CPS1: variants seen among roughly 807,000 people sequenced by gnomAD.
The protein encoded by CPS1 is carbamoyl-phosphate synthase [ammonia], mitochondrial.
Under a neutral mutation model 174.6 loss-of-function variants are expected in CPS1, and 109 were observed. The observed-to-expected ratio is 0.62, with a 90% confidence interval of 0.53 to 0.73. The LOEUF is 0.73. Among genes scored for constraint, CPS1 ranks in the 30% least tolerant of loss-of-function variants. CPS1 has a pLI of 0.00. For synonymous variants in CPS1, 637 were observed against 632.0 expected, an observed-to-expected ratio of 1.01 and a Z score of -0.12; for missense variants, 1,689 against 1,821.9, an observed-to-expected ratio of 0.93 and a Z score of 1.33.
chr2:210,652,612 G>A (rs1369641619), intron 28 of CPS1, among the ~76,000 whole-genome samples: 1 of 152,178 alleles, frequency 6.6e-6, no homozygotes. Flanking sequence ...AGGGAACACT[G>A]AGGAAGGAGA....
chr2:210,521,109 G>T (rs765822388), intron 1 of CPS1, among the ~76,000 whole-genome samples: 1 of 152,010 alleles, frequency 6.6e-6, no homozygotes, highest in Non-Finnish European at 1.5e-5. Flanking sequence ...ACCAACATTT[G>T]CCAAGGCTAG....
chr2:210,507,157 T>C (rs1187379195), intron 1 of CPS1, among the ~76,000 whole-genome samples: 1 of 152,204 alleles, frequency 6.6e-6, no homozygotes, highest in African/African-American at 2.4e-5. Context: ...AAGGGAAGCC[T>C]ATCAGACTAA....
intron 9 of CPS1, 94 bp from the exon 10 acceptor site, chr2:210,591,737 T>C: frequency 1.4e-6 from 2 of 1,383,016 alleles, no homozygotes; most frequent in Non-Finnish European, 2.0e-6. Flanking sequence ...TGAATTTTAA[T>C]AGGCTTTACT....
Position 210,499,252 on chromosome 2 carries a change from TG to T in CPS1, c.3+21488del, listed in dbSNP as rs1210730972. 8.6e-5 allele frequency among the ~76,000 whole-genome samples: 13 copies of T among 151,586 alleles called. No individual in the cohort carries two copies. In the East Asian group the frequency reaches 2.6e-3, roughly 30 times the overall value. ...CCTGGATTTCTGCCTGGGAGTGGAG[TG>T]GAGAGGGACCCACTGCACCGTGATC... is the stretch of plus-strand genomic sequence containing the variant. On this transcript the variant is annotated intron_variant, in intron 1 of 38. Transcript: ENST00000430249.
intron 1 of CPS1, among the ~76,000 whole-genome samples, chr2:210,560,317 A>T (rs1258698686): frequency 3.3e-5 from 5 of 152,116 alleles, no homozygotes; most frequent in Non-Finnish European, 7.4e-5. Context: ...ATAAGAGTAT[A>T]GTCTCTGATT....
chr2:210,535,659 ATGC>A (rs2106005812), intron 1 of CPS1, among the ~76,000 whole-genome samples: 1 of 152,308 alleles, frequency 6.6e-6, no homozygotes, highest in East Asian at 1.9e-4. Flanking sequence ...GAAATAAGGA[ATGC>A]TGGTGTTTGT....
At chr2:210,667,619 G>GT (rs1311138860) in intron 33 of CPS1, among the ~76,000 whole-genome samples, 1 of 152,088 alleles carries the variant, frequency 6.6e-6, no homozygotes, top group Non-Finnish European at 1.5e-5. Context: ...TGAAAATGAT[G>GT]TTTTTAAAAA....
chr2:210,534,249 C>T (rs944368298), intron 1 of CPS1, among the ~76,000 whole-genome samples: 3 of 152,202 alleles, frequency 2.0e-5, no homozygotes, highest in Admixed American at 1.3e-4. Context: ...CCAGCCAGCC[C>T]TGCAGTGATT....
chr2:210,635,951 A>AT (rs1399397788), intron 21 of CPS1, among the ~76,000 whole-genome samples: 1 of 152,148 alleles, frequency 6.6e-6, no homozygotes, highest in African/African-American at 2.4e-5. Context: ...CACCAGCTTG[A>AT]TTTTTTCTTC....
chr2:210,552,254 C>T (rs1324084534), upstream of CPS1, among the ~76,000 whole-genome samples: 2 of 151,834 alleles, frequency 1.3e-5, no homozygotes, highest in Non-Finnish European at 2.9e-5. Flanking sequence ...TGTATCTCTT[C>T]AAAAATAGAC....
intron 1 of CPS1, among the ~76,000 whole-genome samples, chr2:210,499,149 C>T (rs1414466702): frequency 1.3e-5 from 2 of 152,032 alleles, no homozygotes; most frequent in African/African-American, 4.8e-5. Flanking sequence ...CAGAGAGGGC[C>T]CTGCTGTACC....
At chr2:210,536,245 A>G (rs1291921187) in intron 1 of CPS1, among the ~76,000 whole-genome samples, 1 of 151,890 alleles carries the variant, frequency 6.6e-6, no homozygotes, top group Non-Finnish European at 1.5e-5. Flanking sequence ...TCAGTTCTCT[A>G]GTTACTAATA....
intron 1 of CPS1, among the ~76,000 whole-genome samples, chr2:210,510,865 A>G (rs1379663110): frequency 6.6e-6 from 1 of 152,242 alleles, no homozygotes; most frequent in African/African-American, 2.4e-5. Context: ...GGCGATCATT[A>G]AGAAGTCAGG....
intron 1 of CPS1, among the ~76,000 whole-genome samples, chr2:210,506,726 G>A (rs982168168): frequency 2.6e-5 from 4 of 152,314 alleles, no homozygotes; most frequent in South Asian, 2.1e-4. Context: ...ACTACGTGAC[G>A]AATGCACAAG....
intron 1 of CPS1, among the ~76,000 whole-genome samples, chr2:210,510,626 A>G (rs577536826): frequency 8.5e-5 from 13 of 152,244 alleles, no homozygotes; most frequent in South Asian, 2.1e-4. Context: ...AATTTTTGCA[A>G]TCTGCTCATC....
At chr2:210,521,208 A>T (rs914334617) in intron 1 of CPS1, among the ~76,000 whole-genome samples, 2 of 152,028 alleles carry the variant, frequency 1.3e-5, no homozygotes, top group Non-Finnish European at 2.9e-5. Context: ...ATTTTTTGAA[A>T]GATTTCCTTG....
At chr2:210,598,348 A>G (rs933159182) in intron 13 of CPS1, among the ~76,000 whole-genome samples, 2 of 152,018 alleles carry the variant, frequency 1.3e-5, no homozygotes, top group East Asian at 3.9e-4. Context: ...GGCAGGATCA[A>G]ATCCACATAT....
chr2:210,519,965 A>G (rs1481751327), intron 1 of CPS1, among the ~76,000 whole-genome samples: 1 of 152,002 alleles, frequency 6.6e-6, no homozygotes, highest in African/African-American at 2.4e-5. Flanking sequence ...CTGGAAACAC[A>G]TCTATATGCT....
rs530973781 is a variant in CPS1, at chr2:210,624,775, T to A, written c.2687+8234T>A. 1.1e-3 allele frequency among the ~76,000 whole-genome samples: 168 copies of A among 152,124 alleles called. 2 individuals are homozygous for A. The highest frequency in any genetic ancestry group is 4.0e-3 in the African/African-American group (165 of 41,542). On this transcript the variant is annotated intron_variant, in intron 21 of 37. Coordinates refer to ENST00000233072, the MANE Select transcript of CPS1 (RefSeq NM_001875.5). ...GAATTTGTGAGAGAGTACTTCCGAG[T>A]CTGGCATGGACAAGATGAATGTTTT...
Sources: gnomAD v4.1 joint callset for allele counts (sites outside exome capture counted in the v4.1 genomes callset) on GRCh38, gnomAD v4.1.1 for gene constraint, MANE v1.5 for transcripts, NCBI Gene and HGNC (gene_info 2026-07-23, HGNC 2026-07-21) for gene names.